Variants in PCOLCE2 observed in about 807,000 individuals in gnomAD.
PCOLCE2 encodes procollagen C-proteinase enhancer 2.
In PCOLCE2, 42 loss-of-function variants were observed where a neutral mutation model predicts 47.0. The observed-to-expected ratio is 0.89, with a 90% CI of 0.70 to 1.16. The LOEUF is 1.16. Ranked by LOEUF, PCOLCE2 falls within the 50% of genes most tolerant of loss-of-function variation. The pLI, the probability that PCOLCE2 is intolerant of heterozygous loss-of-function variation, is 0.00. For missense variants in PCOLCE2, 500 were observed against 526.1 expected (o/e 0.95, Z 0.49); for synonymous variants, 169 against 191.7 (o/e 0.88, Z 0.98).
intron 5 of PCOLCE2, among the ~76,000 whole-genome samples, chr3:142,834,287 C>T (rs1337614273): frequency 6.6e-6 from 1 of 152,218 alleles, no homozygotes; most frequent in Non-Finnish European, 1.5e-5. Context: ...TTCTTCCTAT[C>T]CCCTTGCAAT....
chr3:142,820,849 C>T lies in PCOLCE2; in HGVS notation c.1117+29G>A, dbSNP rs911993874. 3 of 1,581,782 alleles carry T rather than the reference C, an allele frequency of 1.9e-6. No homozygotes were observed. The African/African-American group carries it at 4.0e-5, about 21-fold the overall frequency. On this transcript the variant is annotated intron_variant, in intron 8 of 8. Coordinates refer to ENST00000295992, the MANE Select transcript of PCOLCE2 (RefSeq NM_013363.4). The stretch of plus-strand genomic sequence containing the variant: ...TGGCATGGAAAATCCATGGCTTGCT[C>T]AGAGACACCCAGTTTTCTCCCTACT...
intron 2 of PCOLCE2, among the ~76,000 whole-genome samples, chr3:142,866,021 G>T (rs960905414): frequency 6.6e-6 from 1 of 152,166 alleles, no homozygotes. Flanking sequence ...TTTGGCAAAG[G>T]TGTCAATGCT....
At position 142,838,743 on chromosome 3, in the gene PCOLCE2, TTAAAGACA is replaced by T; in HGVS notation, c.710+19_710+26del. ...AAACAAGTTTAGAGCCATAAAACTA[TTAAAGACA>T]TAAATAGGTGCTACTTACGCAGGTG... On this transcript the variant is annotated intron_variant, in intron 5 of 8. Transcript: ENST00000295992. 2 of 1,599,270 alleles carry T rather than the reference TTAAAGACA, an allele frequency of 1.3e-6. No individual in the cohort carries two copies. Among genetic ancestry groups the T allele is most frequent in the Non-Finnish European group, 1.7e-6 (2 of 1,167,978 alleles).
Position 142,818,475 on chromosome 3 carries a change from G to C in PCOLCE2, c.1118-10C>G. 1 of 1,602,530 alleles carries C rather than the reference G, an allele frequency of 6.2e-7. No individual in the cohort carries two copies. Among genetic ancestry groups the C allele is most frequent in the Non-Finnish European group, 8.5e-7 (1 of 1,169,710 alleles). On this transcript the variant is annotated splice_polypyrimidine_tract_variant and intron_variant, in intron 8 of 8. Transcript: ENST00000295992. ...ATAATGTAATTTAGACCTAAAGAAA[G>C]AGAATACAGAAATTAATCTTTTTCT...
chr3:142,839,821 AAAAG>A (rs1361758321), intron 4 of PCOLCE2, among the ~76,000 whole-genome samples: 1 of 152,184 alleles, frequency 6.6e-6, no homozygotes, highest in Non-Finnish European at 1.5e-5. Context: ...GCTGCAGAGA[AAAAG>A]AAAAAGAAAG....
chr3:142,818,965 G>C (rs60511657), intron 8 of PCOLCE2, among the ~76,000 whole-genome samples: 2,881 of 152,298 alleles, frequency 0.019, 82 homozygotes, highest in East Asian at 0.095. Flanking sequence ...AGGGCTCCAT[G>C]ATGGGCCATC....
At chr3:142,840,700 T>C (rs1487699919) in intron 4 of PCOLCE2, among the ~76,000 whole-genome samples, 4 of 152,234 alleles carry the variant, frequency 2.6e-5, no homozygotes, top group Non-Finnish European at 4.4e-5. Flanking sequence ...ATTTCCTCTT[T>C]GGGTCCAGTG....
rs78353911 is a variant in PCOLCE2 at position 142,860,808 on chromosome 3, T to C, written c.193-12336A>G. Among the ~76,000 whole-genome samples, 611 of 152,320 alleles carry C rather than the reference T, an allele frequency of 4.0e-3. 5 individuals carry two copies. The highest frequency in any genetic ancestry group is 0.014 in the African/African-American group (595 of 41,570). On this transcript the variant is annotated intron_variant, in intron 2 of 8. Transcript: ENST00000295992. ...CAGTATTCTATCAAGCTCCATTCTC[T>C]TCTTGGAAACACCCATTCTGGAGCT... is the stretch of plus-strand genomic sequence containing the variant.
At chr3:142,831,500 G>A (rs374875420) in intron 5 of PCOLCE2, among the ~76,000 whole-genome samples, 1 of 152,226 alleles carries the variant, frequency 6.6e-6, no homozygotes, top group Non-Finnish European at 1.5e-5. Flanking sequence ...TTCTGTTATA[G>A]GCAACACAAA....
intron 2 of PCOLCE2, among the ~76,000 whole-genome samples, chr3:142,849,714 T>C (rs1052509976): frequency 6.6e-6 from 1 of 152,198 alleles, no homozygotes; most frequent in Non-Finnish European, 1.5e-5. Context: ...TAGTGGAGAA[T>C]TCCATTCTGT....
At chr3:142,874,235 C>T (rs1467449219) in intron 2 of PCOLCE2, among the ~76,000 whole-genome samples, 1 of 152,206 alleles carries the variant, frequency 6.6e-6, no homozygotes, top group African/African-American at 2.4e-5. Flanking sequence ...GCCACCACAC[C>T]CAGCTAATTT....
intron 2 of PCOLCE2, among the ~76,000 whole-genome samples, chr3:142,850,240 C>T (rs1937375212): frequency 6.6e-6 from 1 of 152,174 alleles, no homozygotes; most frequent in Admixed American, 6.5e-5. Flanking sequence ...GATGCCACAT[C>T]TGTAATCTTA....
At chr3:142,873,555 C>T (rs1933436420) in intron 2 of PCOLCE2, among the ~76,000 whole-genome samples, 1 of 152,088 alleles carries the variant, frequency 6.6e-6, no homozygotes, top group Non-Finnish European at 1.5e-5. Flanking sequence ...ACTAAAATTG[C>T]AGCATTATAC....
intron 3 of PCOLCE2, among the ~76,000 whole-genome samples, chr3:142,843,744 A>C (rs1287502180): frequency 6.6e-6 from 1 of 152,100 alleles, no homozygotes; most frequent in Non-Finnish European, 1.5e-5. Flanking sequence ...ACGAAGTTCT[A>C]AATTTAATTT....
At chr3:142,828,512 G>A (rs559309165) in intron 6 of PCOLCE2, among the ~76,000 whole-genome samples, 1 of 152,270 alleles carries the variant, frequency 6.6e-6, no homozygotes, top group Admixed American at 6.5e-5. Flanking sequence ...TGGGAGCGGG[G>A]TAGGGCATGA....
chr3:142,882,635 G>C (rs976314786), intron 2 of PCOLCE2, among the ~76,000 whole-genome samples: 3 of 151,832 alleles, frequency 2.0e-5, no homozygotes, highest in African/African-American at 7.3e-5. Context: ...GGAGTGCAAC[G>C]GTGTAATCAC....
At chr3:142,824,806 T>C (rs1053185455) in intron 6 of PCOLCE2, among the ~76,000 whole-genome samples, 3 of 152,106 alleles carry the variant, frequency 2.0e-5, no homozygotes, top group African/African-American at 7.2e-5. Flanking sequence ...TTTTGTATTT[T>C]TAGTAGAGAT....
intron 2 of PCOLCE2, among the ~76,000 whole-genome samples, chr3:142,865,074 G>C (rs1480172915): frequency 6.6e-6 from 1 of 151,958 alleles, no homozygotes. Flanking sequence ...TTCCAAAGTG[G>C]CTGTACCATT....
intron 2 of PCOLCE2, among the ~76,000 whole-genome samples, chr3:142,886,248 A>C (rs543976303): frequency 6.6e-6 from 1 of 152,324 alleles, no homozygotes; most frequent in East Asian, 1.9e-4. Flanking sequence ...CAAAGTGTAA[A>C]GTCACATCAA....
Sources: gnomAD v4.1 joint callset for allele counts (sites outside exome capture counted in the v4.1 genomes callset) on GRCh38, gnomAD v4.1.1 for gene constraint, MANE v1.5 for transcripts, NCBI Gene and HGNC (gene_info 2026-07-23, HGNC 2026-07-21) for gene names.